Variants in MLLT6 observed in about 807,000 individuals in gnomAD.
MLLT6 encodes MLLT6, PHD finger containing.
MLLT6 carries 22 observed loss-of-function variants against 103.0 expected under a neutral mutation model. The ratio of observed to expected loss-of-function variants is 0.21; its 90% CI spans 0.15 to 0.31. The LOEUF is 0.31. Ranked by LOEUF, MLLT6 falls within the 10% of genes least tolerant of loss-of-function variation. MLLT6 has a pLI of 1.00. For synonymous variants in MLLT6, 606 were observed against 623.5 expected (o/e 0.97, Z 0.42); for missense variants, 1,199 against 1,441.7 (o/e 0.83, Z 2.73).
chr17:38,707,886 C>G lies in MLLT6; in HGVS notation c.354+14C>G. 1.3e-6 allele frequency: 2 copies of G among 1,523,570 alleles called. No individual in the cohort carries two copies. The highest frequency in any genetic ancestry group is 1.7e-4 in the Middle Eastern group (1 of 5,888). 94.4% of individuals were successfully genotyped at this position (1,523,570 alleles called of 1,614,324 possible). On this transcript the variant is annotated intron_variant, in intron 4 of 19. Coordinates refer to ENST00000621332, the MANE Select transcript of MLLT6 (RefSeq NM_005937.4). ...CGCTTCAACAAGGTCAGCGGCCCCC[C>G]GCCGTGTCCCCTACCAGTTCCCTCC...
intron 19 of MLLT6, 194 bp from the exon 20 acceptor site, chr17:38,725,363 G>A: frequency 1.7e-6 from 1 of 588,878 alleles, no homozygotes; most frequent in Non-Finnish European, 3.0e-6. Flanking sequence ...ACGCAGCCCG[G>A]TGCTCTTCTG....
chr17:38,705,570 C>A lies in MLLT6; in HGVS notation c.-63C>A, dbSNP rs1597987037. The A allele has an allele frequency of 5.2e-6, 3 of 581,284 alleles. No homozygotes were observed. The highest frequency in any genetic ancestry group is 8.7e-6 in the Non-Finnish European group (3 of 344,452). 36.0% of individuals were successfully genotyped at this position (581,284 alleles called of 1,614,324 possible). ...CGCGGCCCCCCGCTCCCTCCCTCCC[C>A]CCTGACCCCCGACCCCCGCCGGCCG... On this transcript the variant is annotated 5_prime_UTR_variant, in exon 1 of 20. Coordinates refer to ENST00000621332, the MANE Select transcript of MLLT6 (RefSeq NM_005937.4).
Position 38,717,665 on chromosome 17 carries a change from T to C in MLLT6, c.1833+52T>C, listed in dbSNP as rs370968038. Reference sequence around the variant, plus strand: ...TTCCCTGGGCAGGTTGGGGACAGACTGACAGAGGACCCCAGCCTTCCATGG... The same window carrying C: ...TTCCCTGGGCAGGTTGGGGACAGACCGACAGAGGACCCCAGCCTTCCATGG... On this transcript the variant is annotated intron_variant, in intron 11 of 19. Coordinates refer to ENST00000621332, the MANE Select transcript of MLLT6 (RefSeq NM_005937.4). 6.7e-5 allele frequency: 106 copies of C among 1,572,340 alleles called. No homozygotes were observed. In the African/African-American group the frequency reaches 1.3e-3, roughly 19 times the overall value.
intron 2 of MLLT6, 104 bp from the exon 3 acceptor site, chr17:38,707,382 A>G: frequency 9.3e-7 from 1 of 1,072,964 alleles, no homozygotes; most frequent in South Asian, 1.4e-5. Context: ...AGCCCCATCC[A>G]TCCACCCTAG....
In MLLT6 at chr17:38,720,733, T is replaced by C. The variant is rs768015341; in HGVS notation, c.2428T>C (p.Ser810Pro). ...CAGCCTCGGCCTGGACAACTCGCTG[T>C]CCACTTCTTCTGAGGTGGGCGCTAC... ...KSSLGLDNSL[S>P]TSSEDPHSGC... The change falls in exon 16 of 20, where the codon TCC becomes CCC. Residue 810 changes from serine to proline, a missense_variant. Ser to Pro is a moderately conservative substitution (Grantham distance 74, BLOSUM62 -1). Around this residue, in one of 7 missense-constraint regions of MLLT6, gnomAD observed 1,034 missense variants for 1,091.5 expected, o/e 0.95. Coordinates refer to ENST00000621332, the MANE Select transcript of MLLT6 (RefSeq NM_005937.4). The C allele has an allele frequency of 6.2e-7, 1 of 1,613,706 alleles. No homozygotes were observed. The highest frequency in any genetic ancestry group is 2.2e-5 in the East Asian group (1 of 44,864).
In MLLT6 at chr17:38,725,753, G is replaced by A. The variant is rs35470220; in HGVS notation, c.*155G>A. On this transcript the variant is annotated 3_prime_UTR_variant, in exon 20 of 20. Transcript: ENST00000621332. ...GGGAGTGTGGAGAGCTCCTGGTGTCGAGGACTGAGACTGAGAGGGGAGCCC... is the reference window on the plus strand; with the variant it reads ...GGGAGTGTGGAGAGCTCCTGGTGTCAAGGACTGAGACTGAGAGGGGAGCCC... 1.1e-5 allele frequency: 7 copies of A among 622,240 alleles called. No individual in the cohort carries two copies. Among genetic ancestry groups the A allele is most frequent in the Middle Eastern group, 4.3e-4 (1 of 2,350 alleles). 38.5% of individuals were successfully genotyped at this position (622,240 alleles called of 1,614,324 possible).
Position 38,705,716 on chromosome 17 carries a change from C to G in MLLT6, c.84C>G (p.His28Gln). The stretch of plus-strand genomic sequence containing the variant: ...ACCCGCTGGTCTACTGCGATGGGCA[C>G]GCGTGCAGCGTGGCCGTCCACCAAG... ...AENPLVYCDGHACSVAVHQAC... is the reference protein window; with the variant it reads ...AENPLVYCDGQACSVAVHQAC... The change falls in exon 1 of 20, where the codon CAC (histidine) becomes CAG (glutamine). Residue 28 changes from histidine to glutamine, a missense_variant. By Grantham distance (24) the His-to-Gln change is conservative (BLOSUM62 0). Around this residue, in one of 7 missense-constraint regions of MLLT6, gnomAD observed 24 missense variants for 38.7 expected, o/e 0.62. Coordinates refer to ENST00000621332, the MANE Select transcript of MLLT6 (RefSeq NM_005937.4). The G allele has an allele frequency of 6.6e-7, 1 of 1,526,316 alleles. No homozygotes were observed. The highest frequency in any genetic ancestry group is 8.8e-7 in the Non-Finnish European group (1 of 1,132,026). 94.5% of individuals were successfully genotyped at this position (1,526,316 alleles called of 1,614,324 possible).
intron 9 of MLLT6, 84 bp downstream of exon 9, chr17:38,715,912 G>C (rs1220699152): frequency 8.3e-7 from 1 of 1,198,540 alleles, no homozygotes; most frequent in Non-Finnish European, 1.2e-6. Flanking sequence ...TTGCATATTG[G>C]TTTTGCATCT....
Position 38,705,545 on chromosome 17 carries a change from C to A in MLLT6, c.-88C>A, listed in dbSNP as rs1166188199. 3.4e-5 allele frequency: 18 copies of A among 533,092 alleles called. No individual in the cohort carries two copies. The allele number at this position is 533,092 out of a possible 1,614,324, so 33.0% of individuals were successfully genotyped here. On this transcript the variant is annotated 5_prime_UTR_variant, in exon 1 of 20. Transcript: ENST00000621332. ...GAGAGGAGGAGGGGGCGAGGAGGCG[C>A]GCGGCCCCCCGCTCCCTCCCTCCCC...
At chr17:38,715,519 G>A in intron 8 of MLLT6, 93 bp from the exon 9 acceptor site, 1 of 1,457,854 alleles carries the variant, frequency 6.9e-7, no homozygotes, top group Non-Finnish European at 9.0e-7. Flanking sequence ...TCCCAGTTGA[G>A]CTAGGTCCTG....
Position 38,729,021 on chromosome 17 carries a change from G to A in MLLT6, c.*3423G>A, listed in dbSNP as rs1906182857. The stretch of plus-strand genomic sequence containing the variant: ...GACCCCTGCCTGTTTCCCCCATACT[G>A]AGTTCTAGGGAGGTGCTCACCCCAG... On this transcript the variant is annotated 3_prime_UTR_variant, in exon 20 of 20. Coordinates refer to ENST00000621332, the MANE Select transcript of MLLT6 (RefSeq NM_005937.4). 8.6e-6 allele frequency: 2 copies of A among 233,620 alleles called. No individual in the cohort carries two copies. The highest frequency in any genetic ancestry group is 1.8e-4 in the South Asian group (1 of 5,514). 14.5% of individuals were successfully genotyped at this position (233,620 alleles called of 1,614,324 possible).
At position 38,716,421 on chromosome 17, in the gene MLLT6, C is replaced by T; in HGVS notation, c.1091C>T (p.Pro364Leu). 6.2e-7 allele frequency: 1 copy of T among 1,613,864 alleles called. No individual in the cohort carries two copies. Among genetic ancestry groups the T allele is most frequent in the South Asian group, 1.1e-5 (1 of 91,064 alleles). ...TCTGCATTCCCCAAGCTGGAGCAGC[C>T]AGAGGAGGACAAGTACTCCAAGCCC... ...DFSAFPKLEQPEEDKYSKPTA... is the reference protein window; with the variant it reads ...DFSAFPKLEQLEEDKYSKPTA... The change falls in exon 10 of 20, where the codon CCA becomes CTA. Residue 364 changes from proline to leucine, a missense_variant. By Grantham distance (98) the Pro-to-Leu change is moderately conservative. Around this residue, in one of 7 missense-constraint regions of MLLT6, gnomAD observed 1,034 missense variants for 1,091.5 expected, o/e 0.95. Coordinates refer to ENST00000621332, the MANE Select transcript of MLLT6 (RefSeq NM_005937.4). This position sits in a 1 kb window ranked among gnomAD's most constrained non-coding sequence, Gnocchi z 5.6.
At chr17:38,707,920 G>T in intron 4 of MLLT6, 48 bp downstream of exon 4, 1 of 1,180,808 alleles carries the variant, frequency 8.5e-7, no homozygotes, top group Non-Finnish European at 1.3e-6. Flanking sequence ...CCCATCTATG[G>T]GTTCCTCCAA....
chr17:38,725,077 A>C lies in MLLT6; in HGVS notation c.3240+101A>C, dbSNP rs578104315. ...TCAGGTACCTCAGCAGGGGGAAGGA[A>C]GCAACCCCTAGGTCAGCAAAGTACC... On this transcript the variant is annotated intron_variant, in intron 19 of 19. Transcript: ENST00000621332. The C allele has an allele frequency of 1.1e-4, 100 of 871,642 alleles. No homozygotes were observed. The East Asian group carries it at 2.5e-3, about 21-fold the overall frequency. 54.0% of individuals were successfully genotyped at this position (871,642 alleles called of 1,614,324 possible).
Position 38,716,997 on chromosome 17 carries a change from G to A in MLLT6, c.1651+16G>A. ...CTAGGGGCAGGTTAGTGACCCCTGG[G>A]GACAGAGGGCATTTCAGGGCCCAGC... On this transcript the variant is annotated intron_variant, in intron 10 of 19. Coordinates refer to ENST00000621332, the MANE Select transcript of MLLT6 (RefSeq NM_005937.4). This position sits in a 1 kb window ranked among gnomAD's most constrained non-coding sequence, Gnocchi z 5.6. 6.2e-7 allele frequency: 1 copy of A among 1,611,906 alleles called. No homozygotes were observed. The highest frequency in any genetic ancestry group is 8.5e-7 in the Non-Finnish European group (1 of 1,179,522).
At chr17:38,725,040 G>A (rs1333161537) in intron 19 of MLLT6, 64 bp downstream of exon 19, 5 of 1,199,688 alleles carry the variant, frequency 4.2e-6, no homozygotes, top group Non-Finnish European at 5.8e-6. Flanking sequence ...TGGATTGTCA[G>A]AAGGCTTATC....
intron 10 of MLLT6, 24 bp downstream of exon 10, chr17:38,717,005 G>A (rs768143749): frequency 9.9e-6 from 16 of 1,610,476 alleles, no homozygotes; most frequent in African/African-American, 1.3e-5. Context: ...GGGGACAGAG[G>A]GCATTTCAGG....
intron 1 of MLLT6, chr17:38,705,990 G>C: frequency 4.8e-6 from 1 of 208,528 alleles, no homozygotes; most frequent in African/African-American, 2.3e-5. Context: ...AGAGTCTAGG[G>C]AGCAATGAGT....
intron 4 of MLLT6, chr17:38,708,349 C>G (rs544241428): frequency 7.6e-5 from 12 of 157,772 alleles, no homozygotes; most frequent in African/African-American, 2.9e-4. Context: ...CTGGTGGGGG[C>G]TTACTTTAGA....
Sources: allele counts gnomAD v4.1 joint callset, GRCh38; gene constraint gnomAD v4.1.1; regional missense constraint gnomAD v4.1.1; non-coding constraint Gnocchi (gnomAD v3.1); transcripts MANE v1.5; gene names NCBI Gene and HGNC (gene_info 2026-07-23, HGNC 2026-07-21).